CACNA1E: variants seen among roughly 807,000 people sequenced by gnomAD.
CACNA1E encodes the protein voltage-dependent R-type calcium channel subunit alpha-1E.
A neutral mutation model predicts 259.2 loss-of-function variants in CACNA1E; 40 were observed. That is an observed-to-expected ratio of 0.15 (90% CI 0.12 to 0.20). The LOEUF (loss-of-function observed/expected upper bound fraction) is 0.20, where lower values mean the gene tolerates loss of function less well. Among genes scored for constraint, CACNA1E ranks in the 10% least tolerant of loss-of-function variants. CACNA1E has a pLI of 1.00. For synonymous variants in CACNA1E, 1,104 were observed against 1,138.5 expected (o/e 0.97, Z 0.61); for missense variants, 1,874 against 3,040.1 (o/e 0.62, Z 9.02).
Position 181,654,142 on chromosome 1 carries a change from CA to C in CACNA1E, c.1055+2702del, listed in dbSNP as rs1341608294. 5.0e-5 allele frequency among the ~76,000 whole-genome samples: 7 copies of C among 140,024 alleles called. No individual in the cohort carries two copies. In the East Asian group the frequency reaches 1.7e-3, roughly 34 times the overall value. The allele number at this position is 140,024 out of a possible 152,430, so 91.9% of individuals were successfully genotyped here. A position where few individuals can be genotyped will look rare whatever the true frequency, so the allele number is the denominator to read the frequency against. ...AGAAACCATTTCATTTACAGAATAA[CA>C]GGCCAATAAATTAAAAAAAAAAACA... On this transcript the variant is annotated intron_variant, in intron 7 of 47. Coordinates refer to ENST00000367573, the MANE Select transcript of CACNA1E (RefSeq NM_001205293.3).
chr1:181,750,371 T>A, intron 25 of CACNA1E, 105 bp from the exon 26 acceptor site: 1 of 959,308 alleles, frequency 1.0e-6, no homozygotes, highest in Non-Finnish European at 1.6e-6. Flanking sequence ...GGTTCTCTTT[T>A]CTCCCTGAAG....
intron 7 of CACNA1E, among the ~76,000 whole-genome samples, chr1:181,704,720 C>A (rs919242393): frequency 6.6e-6 from 1 of 152,132 alleles, no homozygotes; most frequent in African/African-American, 2.4e-5. Flanking sequence ...CCAGCCCATC[C>A]TGGCACTTTG....
At chr1:181,639,180 C>T (rs1253643603) in intron 6 of CACNA1E, among the ~76,000 whole-genome samples, 1 of 151,940 alleles carries the variant, frequency 6.6e-6, no homozygotes, top group African/African-American at 2.4e-5. Flanking sequence ...CTCCGCTGAC[C>T]AGGTTCACGC....
At chr1:181,777,748 A>G (rs1366594047) in intron 38 of CACNA1E, among the ~76,000 whole-genome samples, 1 of 152,216 alleles carries the variant, frequency 6.6e-6, no homozygotes, top group Non-Finnish European at 1.5e-5. Flanking sequence ...TGTAACTGTT[A>G]TTATAATCAA....
intron 22 of CACNA1E, among the ~76,000 whole-genome samples, chr1:181,737,112 C>T (rs1361107144): frequency 6.6e-6 from 1 of 152,210 alleles, no homozygotes; most frequent in Non-Finnish European, 1.5e-5. Context: ...TTACTGCTTT[C>T]GTCAGGAATT....
chr1:181,333,680 G>T (rs1467385392), intron 1 of CACNA1E, among the ~76,000 whole-genome samples: 1 of 151,638 alleles, frequency 6.6e-6, no homozygotes, highest in African/African-American at 2.4e-5. Flanking sequence ...TTTTGAGACG[G>T]AGTCTCACTC....
chr1:181,805,396 T>C lies in CACNA1E; in HGVS notation c.*6562T>C, dbSNP rs1285190836. The C allele has an allele frequency of 1.3e-5, 2 of 152,090 alleles. No homozygotes were observed. Among genetic ancestry groups the C allele is most frequent in the Non-Finnish European group, 2.9e-5 (2 of 68,006 alleles). 9.4% of individuals were successfully genotyped at this position (152,090 alleles called of 1,614,324 possible). On this transcript the variant is annotated 3_prime_UTR_variant, in exon 48 of 48. Coordinates refer to ENST00000367573, the MANE Select transcript of CACNA1E (RefSeq NM_001205293.3). ...TAAGGGATGAGCAAGAAAAACACAC[T>C]CCAAAATTTTAAAGTGCCATTAATC...
chr1:181,430,425 T>A (rs914549501), intron 2 of CACNA1E, among the ~76,000 whole-genome samples: 1 of 152,224 alleles, frequency 6.6e-6, no homozygotes, highest in African/African-American at 2.4e-5. Flanking sequence ...ATTCCCCTTA[T>A]CTGTGCAGCT....
At chr1:181,522,351 CT>C (rs1160597202) in intron 3 of CACNA1E, among the ~76,000 whole-genome samples, 1 of 152,206 alleles carries the variant, frequency 6.6e-6, no homozygotes, top group Non-Finnish European at 1.5e-5. Flanking sequence ...GCATCTCCTA[CT>C]GATTCAAATA....
chr1:181,382,750 A>G (rs1209222975), intron 1 of CACNA1E, among the ~76,000 whole-genome samples: 1 of 152,124 alleles, frequency 6.6e-6, no homozygotes, highest in East Asian at 1.9e-4. Context: ...GTGCTTCATA[A>G]TCAATGTTTC....
rs557386560 is a variant in CACNA1E at position 181,527,110 on chromosome 1, G to A, written c.512+15600G>A. On this transcript the variant is annotated intron_variant, in intron 3 of 47. Coordinates refer to ENST00000367573, the MANE Select transcript of CACNA1E (RefSeq NM_001205293.3). Reference sequence around the variant, plus strand: ...CTTGAGTTAATTTCTTAGTCCATTTGGACAGCTATATCAAAAGTATCATAG... The same window carrying A: ...CTTGAGTTAATTTCTTAGTCCATTTAGACAGCTATATCAAAAGTATCATAG... 1.9e-3 allele frequency among the ~76,000 whole-genome samples: 289 copies of A among 152,276 alleles called. 1 individual carries two copies. Among genetic ancestry groups the A allele is most frequent in the African/African-American group, 6.4e-3 (268 of 41,556 alleles).
At chr1:181,438,125 C>A (rs186965461) in intron 2 of CACNA1E, among the ~76,000 whole-genome samples, 1 of 152,216 alleles carries the variant, frequency 6.6e-6, no homozygotes. Context: ...GGTGGCCATA[C>A]TCCCTTGGGG....
intron 4 of CACNA1E, among the ~76,000 whole-genome samples, chr1:181,578,588 G>A (rs1479009983): frequency 6.6e-6 from 1 of 152,092 alleles, no homozygotes; most frequent in Non-Finnish European, 1.5e-5. Context: ...ATTCTTATAT[G>A]TGTTATGATT....
intron 6 of CACNA1E, among the ~76,000 whole-genome samples, chr1:181,646,758 C>T (rs965138699): frequency 6.6e-6 from 1 of 152,218 alleles, no homozygotes; most frequent in Non-Finnish European, 1.5e-5. Context: ...ATCCTCCTCC[C>T]ACCCCACCTT....
chr1:181,360,052 C>T (rs998012921), intron 1 of CACNA1E, among the ~76,000 whole-genome samples: 6 of 152,124 alleles, frequency 3.9e-5, no homozygotes, highest in Admixed American at 1.3e-4. Context: ...TTCTGGTGCA[C>T]GGGAATCATA....
At chr1:181,765,896 C>T (rs1658980587) in intron 34 of CACNA1E, among the ~76,000 whole-genome samples, 2 of 152,302 alleles carry the variant, frequency 1.3e-5, no homozygotes, top group East Asian at 3.9e-4. Flanking sequence ...CCCAAAGTGG[C>T]AATAAGCATG....
intron 7 of CACNA1E, among the ~76,000 whole-genome samples, chr1:181,677,412 A>G (rs1649487388): frequency 6.6e-6 from 1 of 152,192 alleles, no homozygotes; most frequent in African/African-American, 2.4e-5. Context: ...TGTAATTTTA[A>G]ATGATACAAT....
At chr1:181,422,006 A>C (rs1658784096) in intron 2 of CACNA1E, among the ~76,000 whole-genome samples, 1 of 151,870 alleles carries the variant, frequency 6.6e-6, no homozygotes, top group Non-Finnish European at 1.5e-5. Flanking sequence ...GCTCCTGCCC[A>C]CTCGCCTTTT....
chr1:181,431,419 A>G (rs138098675), intron 2 of CACNA1E, among the ~76,000 whole-genome samples: 1 of 152,320 alleles, frequency 6.6e-6, no homozygotes, highest in African/African-American at 2.4e-5. Flanking sequence ...TTGAGATGGC[A>G]TTGGTATATT....
Sources: allele counts gnomAD v4.1 joint callset (sites outside exome capture counted in the v4.1 genomes callset), GRCh38; gene constraint gnomAD v4.1.1; transcripts MANE v1.5; gene names NCBI Gene and HGNC (gene_info 2026-07-23, HGNC 2026-07-21).